KLHL23: variants seen among roughly 807,000 people sequenced by gnomAD.
The protein encoded by KLHL23 is kelch-like protein 23.
KLHL23 carries 33 observed loss-of-function variants against 48.9 expected under a neutral mutation model. The ratio of observed to expected loss-of-function variants is 0.67; its 90% confidence interval spans 0.51 to 0.90. The LOEUF (loss-of-function observed/expected upper bound fraction) is 0.90, where lower values mean the gene tolerates loss of function less well. Among genes scored for constraint, KLHL23 ranks in the 40% least tolerant of loss-of-function variants. The pLI is 0.00. For synonymous variants in KLHL23, 234 were observed against 231.6 expected, an observed-to-expected ratio of 1.01 and a Z score of -0.09; for missense variants, 608 against 669.6, an observed-to-expected ratio of 0.91 and a Z score of 1.02.
chr2:169,736,393 C>G (rs1688519010), intron 2 of KLHL23, among the ~76,000 whole-genome samples, 166 bp downstream of exon 2: 1 of 152,130 alleles, frequency 6.6e-6, no homozygotes, highest in Admixed American at 6.5e-5. Flanking sequence ...TAGCATAGTT[C>G]CCAACTTGTC....
In KLHL23 at chr2:169,749,913, T is replaced by TTATATATATATATACATATATATA. The variant is rs1688901022; in HGVS notation, c.*195_*196insCATATATATATATATATATATATA. 4.6e-6 allele frequency: 1 copy of TTATATATATATATACATATATATA among 216,128 alleles called. No homozygotes were observed. Among genetic ancestry groups the TTATATATATATATACATATATATA allele is most frequent in the Non-Finnish European group, 8.4e-6 (1 of 119,412 alleles). 13.4% of individuals were successfully genotyped at this position (216,128 alleles called of 1,614,324 possible). On this transcript the variant is annotated 3_prime_UTR_variant, in exon 4 of 4. Transcript: ENST00000392647. Reference sequence around the variant, plus strand: ...TGGTGATTCATGGTCAAGAAAAATCTTATATATATATATATATACACACAC... The same window carrying TTATATATATATATACATATATATA: ...TGGTGATTCATGGTCAAGAAAAATCTTATATATATATATACATATATATATATATATATATATATATACACACAC...
intron 3 of KLHL23, among the ~76,000 whole-genome samples, chr2:169,746,775 G>C (rs924604878): frequency 2.6e-5 from 4 of 152,072 alleles, no homozygotes; most frequent in Non-Finnish European, 4.4e-5. Flanking sequence ...CAAAAATTGG[G>C]GTGTTTTGAT....
At chr2:169,740,050 G>A (rs1688635794) in intron 2 of KLHL23, among the ~76,000 whole-genome samples, 1 of 152,194 alleles carries the variant, frequency 6.6e-6, no homozygotes, top group Admixed American at 6.5e-5. Flanking sequence ...AGTTGTTCTG[G>A]TTGAGTCGGT....
At chr2:169,737,267 A>C (rs567488625) in intron 2 of KLHL23, among the ~76,000 whole-genome samples, 5 of 152,320 alleles carry the variant, frequency 3.3e-5, no homozygotes, top group South Asian at 4.1e-4. Context: ...GCATGCTATA[A>C]ATGTTACGCA....
At chr2:169,745,883 A>G (rs1315922855) in intron 3 of KLHL23, among the ~76,000 whole-genome samples, 2 of 152,200 alleles carry the variant, frequency 1.3e-5, no homozygotes, top group East Asian at 3.8e-4. Flanking sequence ...GGATAACCCA[A>G]AAGAGCTGTC....
intron 3 of KLHL23, among the ~76,000 whole-genome samples, chr2:169,749,052 C>T (rs142538987): frequency 6.6e-6 from 1 of 152,158 alleles, no homozygotes; most frequent in African/African-American, 2.4e-5. Context: ...CACTGCTTAT[C>T]GAGGGTATCT....
In KLHL23 at chr2:169,735,193, ATTATT is replaced by A; in HGVS notation, c.183_187del (p.Tyr61Ter). The A allele has an allele frequency of 6.2e-7, 1 of 1,610,394 alleles. No homozygotes were observed. Among genetic ancestry groups the A allele is most frequent in the Admixed American group, 1.7e-5 (1 of 59,196 alleles). ...CGAGCCGTTTTAGCTGCTTGCAGCA[ATTATT>A]TTAAGGCAATGTTCACAGCTGACAT... On this transcript the variant is annotated frameshift_variant, in exon 2 of 4. Coordinates refer to ENST00000392647, the MANE Select transcript of KLHL23 (RefSeq NM_144711.6). LOFTEE classifies it high-confidence loss of function. This position sits in a 1 kb window ranked among gnomAD's most constrained non-coding sequence, Gnocchi z 4.5.
At chr2:169,745,849 A>G (rs567502493) in intron 3 of KLHL23, among the ~76,000 whole-genome samples, 1 of 152,318 alleles carries the variant, frequency 6.6e-6, no homozygotes, top group East Asian at 1.9e-4. Context: ...GCTCGATTTT[A>G]TAGTTTAGAG....
At chr2:169,741,253 C>T (rs980408942) in intron 2 of KLHL23, 132 bp from the exon 3 acceptor site, 30 of 1,215,964 alleles carry the variant, frequency 2.5e-5, no homozygotes, top group Non-Finnish European at 3.1e-5. Context: ...TCTTTTGTCC[C>T]TTATAGCACT....
intron 3 of KLHL23, among the ~76,000 whole-genome samples, chr2:169,747,424 A>G (rs2105656894): frequency 6.9e-6 from 1 of 144,652 alleles, no homozygotes; most frequent in East Asian, 2.1e-4. Flanking sequence ...GGAGAACTTT[A>G]CTGGTAAGAA....
intron 2 of KLHL23, among the ~76,000 whole-genome samples, chr2:169,739,165 G>A (rs528321262): frequency 2.2e-4 from 32 of 146,834 alleles, no homozygotes; most frequent in South Asian, 2.0e-3. Flanking sequence ...TTGCCTCTGC[G>A]TCAGTCAGTC....
rs768015496 is a variant in KLHL23 at position 169,735,816 on chromosome 2, T to G, written c.802T>G (p.Ser268Ala). 5.6e-6 allele frequency: 9 copies of G among 1,614,110 alleles called. No individual in the cohort carries two copies. In the South Asian group the frequency reaches 8.8e-5, roughly 16 times the overall value. Residue 268 changes from serine (S) to alanine (A), a missense_variant, in exon 2 of 4, where the codon TCC (serine) becomes GCC (alanine). Around this residue, in one of 3 missense-constraint regions of KLHL23, gnomAD observed 419 missense variants for 473.1 expected, o/e 0.89. Transcript: ENST00000392647. This position sits in a 1 kb window ranked among gnomAD's most constrained non-coding sequence, Gnocchi z 4.5. The stretch of plus-strand genomic sequence containing the variant: ...CTTGAATCCCATGCATAAAGAGATT[T>G]CCCAGAGGTCCACAGCCACAATGTA... ...NALNPMHKEI[S>A]QRSTATMYII...
intron 3 of KLHL23, among the ~76,000 whole-genome samples, chr2:169,747,425 C>CTGGTAAGAAGT (rs1425662413): frequency 7.7e-6 from 1 of 130,276 alleles, no homozygotes; most frequent in African/African-American, 2.7e-5. Context: ...GAGAACTTTA[C>CTGGTAAGAAGT]TGGTAAGAAG....
At chr2:169,734,877 T>C in intron 1 of KLHL23, 136 bp from the exon 2 acceptor site, 2 of 1,190,058 alleles carry the variant, frequency 1.7e-6, no homozygotes, top group Non-Finnish European at 1.1e-6. Flanking sequence ...TCCATCCACA[T>C]TTTGCATTTA....
At position 169,746,873 on chromosome 2, in the gene KLHL23, A is replaced by G. The variant is rs545473028; in HGVS notation, c.1367-2549A>G. ...AAATATTTGAACTATCATTTTCACAATAACCATTAGTTGAATGATTCATAT... is the reference window on the plus strand; with the variant it reads ...AAATATTTGAACTATCATTTTCACAGTAACCATTAGTTGAATGATTCATAT... On this transcript the variant is annotated intron_variant, in intron 3 of 3. Coordinates refer to ENST00000392647, the MANE Select transcript of KLHL23 (RefSeq NM_144711.6). 8.5e-5 allele frequency among the ~76,000 whole-genome samples: 13 copies of G among 152,368 alleles called. No individual in the cohort carries two copies. The South Asian group carries it at 1.2e-3, about 15-fold the overall frequency.
At position 169,741,472 on chromosome 2, in the gene KLHL23, A is replaced by T; in HGVS notation, c.1301A>T (p.Asp434Val). 6.2e-7 allele frequency: 1 copy of T among 1,614,054 alleles called. No individual in the cohort carries two copies. The highest frequency in any genetic ancestry group is 8.5e-7 in the Non-Finnish European group (1 of 1,179,968). ...GGCTACAGAGGAAGCTGCACCTATG[A>T]CAAAGTTCAGAGCTACAATTCCGAT... The part of the protein sequence containing the change: ...HCGYRGSCTY[D>V]KVQSYNSDIN... Residue 434 changes from aspartate to valine, a missense_variant, in exon 3 of 4, where the codon GAC becomes GTC. Coordinates refer to ENST00000392647, the MANE Select transcript of KLHL23 (RefSeq NM_144711.6).
chr2:169,735,895 C>G lies in KLHL23; in HGVS notation c.881C>G (p.Pro294Arg). The G allele has an allele frequency of 1.2e-6, 2 of 1,614,118 alleles. No homozygotes were observed. Among genetic ancestry groups the G allele is most frequent in the Non-Finnish European group, 1.7e-6 (2 of 1,180,046 alleles). The stretch of plus-strand genomic sequence containing the variant: ...TTATCAGAGGTTCACATATGGGATC[C>G]TTTGACAAATGTTTGGATTCAGGGA... The part of the protein sequence containing the change: ...HPLSEVHIWD[P>R]LTNVWIQGAE... The change falls in exon 2 of 4, where the codon CCT (proline) becomes CGT (arginine). Residue 294 changes from proline (P) to arginine (R), a missense_variant. Physicochemically the swap from Pro to Arg is moderately radical, Grantham distance 103 (BLOSUM62 -2). Coordinates refer to ENST00000392647, the MANE Select transcript of KLHL23 (RefSeq NM_144711.6). The surrounding 1 kb of genome is among the most constrained non-coding windows in gnomAD (Gnocchi z 4.5).
chr2:169,745,882 A>G (rs996932643), intron 3 of KLHL23, among the ~76,000 whole-genome samples: 11 of 152,240 alleles, frequency 7.2e-5, no homozygotes, highest in African/African-American at 2.7e-4. Context: ...TGGATAACCC[A>G]AAAGAGCTGT....
chr2:169,748,899 C>T (rs1042334416), intron 3 of KLHL23, among the ~76,000 whole-genome samples: 12 of 151,748 alleles, frequency 7.9e-5, no homozygotes, highest in Admixed American at 6.6e-4. Flanking sequence ...AGTCTGGGTA[C>T]GTTTCTTTAG....
Sources: allele counts gnomAD v4.1 joint callset (sites outside exome capture counted in the v4.1 genomes callset), GRCh38; gene constraint gnomAD v4.1.1; regional missense constraint gnomAD v4.1.1; non-coding constraint Gnocchi (gnomAD v3.1); transcripts MANE v1.5; gene names NCBI Gene and HGNC (gene_info 2026-07-23, HGNC 2026-07-21).